The following INSC variants were observed in gnomAD, a reference collection of about 807,000 sequenced individuals.
INSC encodes the protein protein inscuteable homolog.
A neutral mutation model predicts 58.6 loss-of-function variants in INSC; 67 were observed. That is an observed-to-expected ratio of 1.14 (90% confidence interval 0.94 to 1.40). The LOEUF (loss-of-function observed/expected upper bound fraction) is 1.40, where lower values mean the gene tolerates loss of function less well. Among genes scored for constraint, INSC ranks in the 40% most tolerant of loss-of-function variants. INSC has a pLI of 0.00. For synonymous variants in INSC, 262 were observed against 276.1 expected, an observed-to-expected ratio of 0.95 and a Z score of 0.51; for missense variants, 714 against 692.0, an observed-to-expected ratio of 1.03 and a Z score of -0.36.
At chr11:15,152,169 A>G (rs1179858903) in intron 2 of INSC, among the ~76,000 whole-genome samples, 1 of 152,156 alleles carries the variant, frequency 6.6e-6, no homozygotes, top group Non-Finnish European at 1.5e-5. Context: ...AGTGGTTTTT[A>G]GTGACCATCT....
intron 7 of INSC, among the ~76,000 whole-genome samples, chr11:15,206,508 C>T (rs4343008): frequency 0.3 from 45,499 of 152,042 alleles, 8,227 homozygotes; most frequent in Admixed American, 0.4. Context: ...CTGGACCTCA[C>T]TTGGGAGAAG....
chr11:15,257,245 T>C, the INSC span, among the ~76,000 whole-genome samples: 3 of 152,138 alleles, frequency 2.0e-5, no homozygotes, highest in Non-Finnish European at 4.4e-5. Flanking sequence ...TTGGAAGACA[T>C]TTTGAACCTT....
intron 9 of INSC, among the ~76,000 whole-genome samples, chr11:15,233,210 G>A (rs1211223129): frequency 6.6e-6 from 1 of 152,174 alleles, no homozygotes; most frequent in Non-Finnish European, 1.5e-5. Flanking sequence ...CAAATGCAGG[G>A]GGAATGGTGC....
intron 8 of INSC, among the ~76,000 whole-genome samples, chr11:15,223,061 G>A (rs1414662962): frequency 6.6e-6 from 1 of 152,224 alleles, no homozygotes; most frequent in Non-Finnish European, 1.5e-5. Flanking sequence ...CCAGGTGGAA[G>A]AATAAAGGTG....
intron 7 of INSC, among the ~76,000 whole-genome samples, chr11:15,206,306 C>T (rs1005826324): frequency 5.3e-5 from 8 of 152,244 alleles, no homozygotes; most frequent in African/African-American, 1.9e-4. Context: ...TGAAGCTGGG[C>T]CCAGAAGGGC....
chr11:15,118,412 T>C (rs575943872), intron 1 of INSC, among the ~76,000 whole-genome samples: 1 of 152,146 alleles, frequency 6.6e-6, no homozygotes, highest in Non-Finnish European at 1.5e-5. Flanking sequence ...GGGTAAAGCT[T>C]AGCAACAAAG....
chr11:15,160,051 G>T (rs971825956), intron 2 of INSC, among the ~76,000 whole-genome samples: 4 of 152,188 alleles, frequency 2.6e-5, no homozygotes, highest in Non-Finnish European at 5.9e-5. Flanking sequence ...CATGTAGCAT[G>T]GTGGCTTGTA....
intron 1 of INSC, among the ~76,000 whole-genome samples, chr11:15,142,540 G>C (rs537554953): frequency 4.6e-5 from 7 of 152,296 alleles, no homozygotes; most frequent in Admixed American, 2.6e-4. Context: ...TTCTGATCTG[G>C]TACTGCTTAG....
intron 2 of INSC, among the ~76,000 whole-genome samples, chr11:15,171,281 A>G (rs972640125): frequency 1.3e-5 from 2 of 152,118 alleles, no homozygotes; most frequent in African/African-American, 4.8e-5. Flanking sequence ...TGGTGGTCCC[A>G]GGTGCTGTAA....
intron 1 of INSC, among the ~76,000 whole-genome samples, chr11:15,127,329 A>G (rs1036689037): frequency 2.1e-4 from 32 of 152,204 alleles, no homozygotes; most frequent in Middle Eastern, 3.2e-3. Flanking sequence ...GCAAAAGTCT[A>G]TGGCTTAACA....
intron 6 of INSC, among the ~76,000 whole-genome samples, chr11:15,197,058 C>T (rs1850397953): frequency 6.6e-6 from 1 of 152,224 alleles, no homozygotes; most frequent in Non-Finnish European, 1.5e-5. Flanking sequence ...ATCACCATCT[C>T]ATCTGATTCT....
the INSC span, among the ~76,000 whole-genome samples, chr11:15,254,348 T>G: frequency 6.6e-6 from 1 of 152,196 alleles, no homozygotes; most frequent in Non-Finnish European, 1.5e-5. Context: ...GAAGGTCTGC[T>G]CTAGGCTCAG....
intron 1 of INSC, among the ~76,000 whole-genome samples, chr11:15,131,202 A>C (rs1032046233): frequency 6.6e-6 from 1 of 152,036 alleles, no homozygotes; most frequent in Non-Finnish European, 1.5e-5. Context: ...TTTTATCTAT[A>C]TACTACATGA....
chr11:15,151,314 G>T (rs569542927), intron 2 of INSC, among the ~76,000 whole-genome samples: 1 of 152,274 alleles, frequency 6.6e-6, no homozygotes, highest in East Asian at 1.9e-4. Context: ...CAGCCTCCCT[G>T]CATGGAAAAA....
At chr11:15,212,797 G>A (rs1296452100) in intron 7 of INSC, among the ~76,000 whole-genome samples, 1 of 152,062 alleles carries the variant, frequency 6.6e-6, no homozygotes, top group Non-Finnish European at 1.5e-5. Flanking sequence ...TGACAGTTTT[G>A]CCTCTACTTT....
intron 5 of INSC, among the ~76,000 whole-genome samples, chr11:15,188,501 C>T (rs944050990): frequency 9.2e-5 from 14 of 152,134 alleles, no homozygotes; most frequent in Admixed American, 3.3e-4. Context: ...AGATGATTTC[C>T]GAGGTCCTTT....
chr11:15,128,539 G>A (rs953662807), intron 1 of INSC, among the ~76,000 whole-genome samples: 2 of 152,176 alleles, frequency 1.3e-5, no homozygotes, highest in Admixed American at 1.3e-4. Flanking sequence ...GGCAGAGCTG[G>A]GGCTAGGCTG....
At chr11:15,255,473 G>T in the INSC span, among the ~76,000 whole-genome samples, 2 of 152,154 alleles carry the variant, frequency 1.3e-5, no homozygotes, top group African/African-American at 4.8e-5. Flanking sequence ...TCAGAGTAAA[G>T]CATCAAAGAC....
At chr11:15,185,865 TA>T (rs112913395) in intron 5 of INSC, among the ~76,000 whole-genome samples, 2 of 152,270 alleles carry the variant, frequency 1.3e-5, no homozygotes, top group African/African-American at 4.8e-5. Flanking sequence ...AAACTTATGA[TA>T]AAAAAATTTA....
Sources: allele counts gnomAD v4.1 joint callset (sites outside exome capture counted in the v4.1 genomes callset), GRCh38; gene constraint gnomAD v4.1.1; transcripts MANE v1.5; gene names NCBI Gene and HGNC (gene_info 2026-07-23, HGNC 2026-07-21).